TRAM1: variants seen among roughly 807,000 people sequenced by gnomAD.
The protein encoded by TRAM1 is translocation associated membrane protein 1, also known as translocating chain-associated membrane protein 1.
A neutral mutation model predicts 48.7 loss-of-function variants in TRAM1; 17 were observed. That is an observed-to-expected ratio of 0.35 (90% CI 0.24 to 0.52). The LOEUF is 0.52. Among genes scored for constraint, TRAM1 ranks in the 20% least tolerant of loss-of-function variants. The pLI, the probability that TRAM1 is intolerant of heterozygous loss-of-function variation, is 0.94. For missense variants in TRAM1, 351 were observed against 441.5 expected, an observed-to-expected ratio of 0.79 and a Z score of 1.84; for synonymous variants, 182 against 154.0, an observed-to-expected ratio of 1.18 and a Z score of -1.34.
intron 10 of TRAM1, among the ~76,000 whole-genome samples, chr8:70,575,420 T>G (rs1031565678): frequency 5.3e-5 from 8 of 152,150 alleles, no homozygotes; most frequent in Non-Finnish European, 1.2e-4. Flanking sequence ...TTTTATTTAT[T>G]TATGTTACTG....
At chr8:70,598,870 T>G (rs1817544601) in intron 2 of TRAM1, among the ~76,000 whole-genome samples, 1 of 152,236 alleles carries the variant, frequency 6.6e-6, no homozygotes, top group Non-Finnish European at 1.5e-5. Context: ...GCTTTATTCT[T>G]CTCTGGCATA....
intron 1 of TRAM1, chr8:70,607,287 T>A: frequency 5.1e-6 from 5 of 985,262 alleles, no homozygotes; most frequent in Non-Finnish European, 6.0e-6. Context: ...GACATTCCCA[T>A]CCTCTCCTAC....
intron 4 of TRAM1, among the ~76,000 whole-genome samples, chr8:70,597,568 G>A (rs1187246774): frequency 2.7e-5 from 4 of 149,016 alleles, no homozygotes; most frequent in Non-Finnish European, 5.9e-5. Flanking sequence ...TACTTGGGAA[G>A]CTGAGGCAGG....
Position 70,607,134 on chromosome 8 carries a change from GGAAT to G in TRAM1, c.123+939_123+942del, listed in dbSNP as rs573766460. Reference sequence around the variant, plus strand: ...AAAATTAAAAAGGGAAAAAAGCAAAGGAATGAGCGTGTGTATTGGGGAGCGAGGG... The same window carrying G: ...AAAATTAAAAAGGGAAAAAAGCAAAGGAGCGTGTGTATTGGGGAGCGAGGG... On this transcript the variant is annotated intron_variant, in intron 1 of 10. Coordinates refer to ENST00000262213, the MANE Select transcript of TRAM1 (RefSeq NM_014294.6). The G allele has an allele frequency of 1.7e-3, 1,652 of 984,286 alleles. 3 individuals carry two copies. Among genetic ancestry groups the G allele is most frequent in the Non-Finnish European group, 1.9e-3 (1,576 of 828,980 alleles). The allele number at this position is 984,286 out of a possible 1,614,324, so 61.0% of individuals were successfully genotyped here. A position where few individuals can be genotyped will look rare whatever the true frequency, so the allele number is the denominator to read the frequency against.
intron 6 of TRAM1, 112 bp downstream of exon 6, chr8:70,594,394 G>A (rs765457011): frequency 9.3e-5 from 59 of 637,406 alleles, no homozygotes; most frequent in Admixed American, 1.8e-4. Flanking sequence ...TAAGAGTTGA[G>A]GTAAGAAGAA....
chr8:70,596,905 T>C (rs1006383352), intron 4 of TRAM1, among the ~76,000 whole-genome samples: 7 of 152,092 alleles, frequency 4.6e-5, no homozygotes, highest in African/African-American at 1.4e-4. Context: ...ATAACTTTTA[T>C]GTTTTTTTAA....
rs1043512100 is a variant in TRAM1, at chr8:70,574,489, T to TAA, written c.*441_*442dup. On this transcript the variant is annotated 3_prime_UTR_variant, in exon 11 of 11. Transcript: ENST00000262213. ...AAATTAGAGAACACTGAAAACATATTAAAGTTTGACATCCAACTTTATAGT... is the reference window on the plus strand; with the variant it reads ...AAATTAGAGAACACTGAAAACATATTAAAAAGTTTGACATCCAACTTTATAGT... 1.4e-5 allele frequency: 3 copies of TAA among 209,300 alleles called. No individual in the cohort carries two copies. The highest frequency in any genetic ancestry group is 7.2e-5 in the African/African-American group (3 of 41,850). 13.0% of individuals were successfully genotyped at this position (209,300 alleles called of 1,614,324 possible). A position where few individuals can be genotyped will look rare whatever the true frequency, so the allele number is the denominator to read the frequency against.
At chr8:70,576,311 A>G (rs543737233) in intron 10 of TRAM1, among the ~76,000 whole-genome samples, 50 of 152,288 alleles carry the variant, frequency 3.3e-4, no homozygotes, top group Middle Eastern at 3.4e-3. Context: ...CAGAAAAGAG[A>G]CAACTAGGAA....
At chr8:70,581,527 T>C (rs1439450366) in intron 10 of TRAM1, among the ~76,000 whole-genome samples, 1 of 152,192 alleles carries the variant, frequency 6.6e-6, no homozygotes, top group East Asian at 1.9e-4. Context: ...TGTAAAATAG[T>C]ATAACCACTT....
intron 4 of TRAM1, among the ~76,000 whole-genome samples, chr8:70,596,544 A>G: frequency 6.6e-6 from 1 of 152,198 alleles, no homozygotes; most frequent in Admixed American, 6.5e-5. Context: ...GAATCAGGTA[A>G]GACATAATTC....
rs995529329 is a variant in TRAM1 at position 70,607,108 on chromosome 8, A to G, written c.123+969T>C. On this transcript the variant is annotated intron_variant, in intron 1 of 10. Coordinates refer to ENST00000262213, the MANE Select transcript of TRAM1 (RefSeq NM_014294.6). ...TTACTGAGACATAAAGGCTCCAGAG[A>G]AAAATTAAAAAGGGAAAAAAGCAAA... The G allele has an allele frequency of 1.8e-5, 18 of 978,336 alleles. No individual in the cohort carries two copies. The African/African-American group carries it at 3.0e-4, about 16-fold the overall frequency. 60.6% of individuals were successfully genotyped at this position (978,336 alleles called of 1,614,324 possible).
At chr8:70,579,253 G>C (rs899135338) in intron 10 of TRAM1, among the ~76,000 whole-genome samples, 1 of 152,128 alleles carries the variant, frequency 6.6e-6, no homozygotes, top group East Asian at 1.9e-4. Context: ...AAATCTGCAT[G>C]GCATGTTACT....
chr8:70,574,898 C>G lies in TRAM1; in HGVS notation c.*34G>C. The G allele has an allele frequency of 7.1e-7, 1 of 1,417,608 alleles. No individual in the cohort carries two copies. The highest frequency in any genetic ancestry group is 1.4e-5 in the African/African-American group (1 of 70,754). The allele number at this position is 1,417,608 out of a possible 1,614,324, so 87.8% of individuals were successfully genotyped here. A position where few individuals can be genotyped will look rare whatever the true frequency, so the allele number is the denominator to read the frequency against. ...GAAAGATATAGTAGAAAGCAGATTTCTTTGGGGACATTAATCAATTAGTTT... is the reference window on the plus strand; with the variant it reads ...GAAAGATATAGTAGAAAGCAGATTTGTTTGGGGACATTAATCAATTAGTTT... On this transcript the variant is annotated 3_prime_UTR_variant, in exon 11 of 11. Transcript: ENST00000262213.
chr8:70,593,707 T>C (rs756190476), intron 6 of TRAM1, among the ~76,000 whole-genome samples: 1 of 151,754 alleles, frequency 6.6e-6, no homozygotes, highest in Non-Finnish European at 1.5e-5. Flanking sequence ...ATTACAAAAC[T>C]AGAGACTATC....
At chr8:70,605,904 C>T (rs1288752645) in intron 1 of TRAM1, among the ~76,000 whole-genome samples, 4 of 151,930 alleles carry the variant, frequency 2.6e-5, no homozygotes, top group Non-Finnish European at 5.9e-5. Context: ...GGTGGACTTC[C>T]CTAGAAATAT....
intron 10 of TRAM1, among the ~76,000 whole-genome samples, chr8:70,580,733 C>A (rs1817057127): frequency 6.7e-6 from 1 of 149,870 alleles, no homozygotes. Flanking sequence ...CAATAGAAAG[C>A]ATCCAGATTG....
chr8:70,598,600 AT>A (rs1197036656), intron 2 of TRAM1, among the ~76,000 whole-genome samples: 1 of 152,108 alleles, frequency 6.6e-6, no homozygotes, highest in African/African-American at 2.4e-5. Context: ...CTACTGACCT[AT>A]TTTTTTCAAA....
At position 70,608,372 on chromosome 8, in the gene TRAM1, G is replaced by GAA. The variant is rs1298219062; in HGVS notation, c.-174_-173insTT. The GAA allele has an allele frequency of 4.0e-5, 20 of 501,608 alleles. No individual in the cohort carries two copies. The highest frequency in any genetic ancestry group is 5.5e-5 in the African/African-American group (1 of 18,240). The allele number at this position is 501,608 out of a possible 1,614,324, so 31.1% of individuals were successfully genotyped here. On this transcript the variant is annotated 5_prime_UTR_variant, in exon 1 of 11. Coordinates refer to ENST00000262213, the MANE Select transcript of TRAM1 (RefSeq NM_014294.6). ...GTACGCAGCCGCCGGGCCGCCCGGG[G>GAA]GAAAAAAAAAAACACAACAGCTAGC...
chr8:70,607,343 C>A, intron 1 of TRAM1: 1 of 985,460 alleles, frequency 1.0e-6, no homozygotes, highest in Non-Finnish European at 1.2e-6. Context: ...CTGTTCAGAA[C>A]CTCGATTTAT....
Sources: allele counts gnomAD v4.1 joint callset (sites outside exome capture counted in the v4.1 genomes callset), GRCh38; gene constraint gnomAD v4.1.1; transcripts MANE v1.5; gene names NCBI Gene and HGNC (gene_info 2026-07-23, HGNC 2026-07-21).